HECA: variants seen among roughly 807,000 people sequenced by gnomAD.
HECA encodes HECA ribonucleoprotein granule regulator, also known as headcase protein homolog.
A neutral mutation model predicts 37.6 loss-of-function variants in HECA; 13 were observed. The ratio of observed to expected loss-of-function variants is 0.35; its 90% CI spans 0.23 to 0.55. The LOEUF (loss-of-function observed/expected upper bound fraction) is 0.55. Among genes scored for constraint, HECA ranks in the 20% least tolerant of loss-of-function variants. The pLI is 0.90. For missense variants in HECA, 527 were observed against 701.9 expected (o/e 0.75, Z 2.82); for synonymous variants, 307 against 291.5 (o/e 1.05, Z -0.54).
At chr6:139,171,088 G>A (rs1377157758) in intron 2 of HECA, among the ~76,000 whole-genome samples, 1 of 152,122 alleles carries the variant, frequency 6.6e-6, no homozygotes, top group Non-Finnish European at 1.5e-5. Flanking sequence ...CTGTGTGTTG[G>A]GTTTGAAGGG....
chr6:139,159,447 C>CT (rs1247589673), intron 1 of HECA, among the ~76,000 whole-genome samples: 1 of 152,052 alleles, frequency 6.6e-6, no homozygotes, highest in East Asian at 1.9e-4. Context: ...ACATAAATGT[C>CT]TTTTTTTCCT....
At chr6:139,154,582 A>G (rs566451465) in intron 1 of HECA, among the ~76,000 whole-genome samples, 1 of 152,360 alleles carries the variant, frequency 6.6e-6, no homozygotes, top group East Asian at 1.9e-4. Flanking sequence ...CCAGTTAATC[A>G]TGCAGTCTTA....
chr6:139,176,916 G>A lies in HECA; in HGVS notation c.1468-25G>A. ...GTGTTGGGAAGTGGAGGGGTGTTGT[G>A]GCTGATGGTGTCTGTTTCCCCCAGG... On this transcript the variant is annotated intron_variant, in intron 3 of 3. Coordinates refer to ENST00000367658, the MANE Select transcript of HECA (RefSeq NM_016217.3). The surrounding 1 kb of genome is among the most constrained non-coding windows in gnomAD (Gnocchi z 4.5). The A allele has an allele frequency of 1.2e-6, 1 of 859,458 alleles. No individual in the cohort carries two copies. Among genetic ancestry groups the A allele is most frequent in the Non-Finnish European group, 2.0e-6 (1 of 491,478 alleles). 53.2% of individuals were successfully genotyped at this position (859,458 alleles called of 1,614,324 possible). A position where few individuals can be genotyped will look rare whatever the true frequency, so the allele number is the denominator to read the frequency against.
At chr6:139,174,047 C>T (rs530714363) in intron 2 of HECA, among the ~76,000 whole-genome samples, 4 of 152,228 alleles carry the variant, frequency 2.6e-5, no homozygotes, top group African/African-American at 7.2e-5. Flanking sequence ...GGAAGTCCTG[C>T]GTGAATACAG....
chr6:139,136,629 CTTTTTTGTTTTG>C (rs1187468394), intron 1 of HECA, among the ~76,000 whole-genome samples: 1 of 148,396 alleles, frequency 6.7e-6, no homozygotes, highest in African/African-American at 2.5e-5. Context: ...AGATCAGGCA[CTTTTTTGTTTTG>C]TTTTTTTTTT....
At chr6:139,135,697 A>G in intron 1 of HECA, 30 bp downstream of exon 1, 1 of 965,252 alleles carries the variant, frequency 1.0e-6, no homozygotes, top group Non-Finnish European at 1.2e-6. Context: ...GCGAGCGCCA[A>G]CTTCCTCCCC....
intron 1 of HECA, among the ~76,000 whole-genome samples, chr6:139,156,542 A>G (rs181772608): frequency 6.6e-6 from 1 of 152,346 alleles, no homozygotes; most frequent in Admixed American, 6.5e-5. Flanking sequence ...AAGTGTGCTA[A>G]TACTGGTGCT....
chr6:139,142,184 C>T (rs1247656006), intron 1 of HECA, among the ~76,000 whole-genome samples: 2 of 152,002 alleles, frequency 1.3e-5, no homozygotes, highest in Non-Finnish European at 2.9e-5. Flanking sequence ...CCTTGACCTC[C>T]CAAAGTGCTG....
At chr6:139,162,995 T>A (rs1774828229) in intron 1 of HECA, among the ~76,000 whole-genome samples, 1 of 152,222 alleles carries the variant, frequency 6.6e-6, no homozygotes, top group Non-Finnish European at 1.5e-5. Context: ...TCTCCCTGTT[T>A]CTGCCTTTTC....
At chr6:139,135,781 TCACCCCGCCCCTC>T (rs1290226800) in intron 1 of HECA, 114 bp downstream of exon 1, 1 of 342,402 alleles carries the variant, frequency 2.9e-6, no homozygotes, top group Non-Finnish European at 4.1e-6. Flanking sequence ...CAGGAAGTGC[TCACCCCGCCCCTC>T]CGCCCCGCCG....
chr6:139,136,452 G>A (rs914772054), intron 1 of HECA, among the ~76,000 whole-genome samples: 1 of 152,108 alleles, frequency 6.6e-6, no homozygotes, highest in Non-Finnish European at 1.5e-5. Context: ...CATGGTTTTC[G>A]TTATAAGGTG....
intron 1 of HECA, among the ~76,000 whole-genome samples, chr6:139,156,514 G>GAT (rs762994418): frequency 6.6e-6 from 1 of 152,154 alleles, no homozygotes; most frequent in Non-Finnish European, 1.5e-5. Flanking sequence ...CCAGCCTGTA[G>GAT]CTTTCAAAAT....
rs1199268475 is a variant in HECA at position 139,135,588 on chromosome 6, G to GGGCGCCGGAGGCGCGGGGACT, written c.200_220dup (p.Gly67_Ala73dup). 1 of 965,922 alleles carries GGGCGCCGGAGGCGCGGGGACT rather than the reference G, an allele frequency of 1.0e-6. No homozygotes were observed. Among genetic ancestry groups the GGGCGCCGGAGGCGCGGGGACT allele is most frequent in the Admixed American group, 6.4e-5 (1 of 15,608 alleles). The allele number at this position is 965,922 out of a possible 1,614,324, so 59.8% of individuals were successfully genotyped here. ...GCGCGCCGGGCGCCGGAGGCGCGGC[G>GGGCGCCGGAGGCGCGGGGACT]GGCGCCGGAGGCGCGGGGACTGGCG... is the stretch of plus-strand genomic sequence containing the variant. On this transcript the variant is annotated inframe_insertion, in exon 1 of 4. Transcript: ENST00000367658.
At position 139,176,243 on chromosome 6, in the gene HECA, C is replaced by G. The variant is rs1172492982; in HGVS notation, c.1468-698C>G. On this transcript the variant is annotated intron_variant, in intron 3 of 3. Coordinates refer to ENST00000367658, the MANE Select transcript of HECA (RefSeq NM_016217.3). The surrounding 1 kb of genome is among the most constrained non-coding windows in gnomAD (Gnocchi z 4.5). ...TGGCATGGTGCTTTATCACATGTGC[C>G]TCAGTTGCATTATCTAAAAGTCAGC... Among the ~76,000 whole-genome samples the G allele has an allele frequency of 1.3e-5, 2 of 152,218 alleles. No homozygotes were observed. Among genetic ancestry groups the G allele is most frequent in the Non-Finnish European group, 2.9e-5 (2 of 68,040 alleles).
At chr6:139,140,830 A>G (rs577915654) in intron 1 of HECA, among the ~76,000 whole-genome samples, 1 of 152,170 alleles carries the variant, frequency 6.6e-6, no homozygotes, top group South Asian at 2.1e-4. Flanking sequence ...TCGCTCTGTC[A>G]CCCAGGCTGG....
In HECA at chr6:139,166,688, A is replaced by G; in HGVS notation, c.676A>G (p.Arg226Gly). 6.2e-7 allele frequency: 1 copy of G among 1,613,230 alleles called. No individual in the cohort carries two copies. Among genetic ancestry groups the G allele is most frequent in the Non-Finnish European group, 8.5e-7 (1 of 1,179,592 alleles). Reference sequence around the variant, plus strand: ...GGCGGCGGAGGAGGCAAAAAAGTGCAGGCCCCCAAATAAGCCCCAGAAAGG... The same window carrying G: ...GGCGGCGGAGGAGGCAAAAAAGTGCGGGCCCCCAAATAAGCCCCAGAAAGG... ...GEAAEEAKKC[R>G]PPNKPQKGPS... The change falls in exon 2 of 4, where the codon AGG (arginine) becomes GGG (glycine). Residue 226 changes from arginine (R) to glycine (G), a missense_variant. Coordinates refer to ENST00000367658, the MANE Select transcript of HECA (RefSeq NM_016217.3).
intron 1 of HECA, chr6:139,166,059 G>A: frequency 4.2e-6 from 2 of 470,848 alleles, no homozygotes; most frequent in Non-Finnish European, 7.5e-6. Context: ...TCAGGATGAA[G>A]GGCGTTGAAG....
rs796546423 is a variant in HECA at position 139,176,842 on chromosome 6, A to G, written c.1468-99A>G. 32 of 718,012 alleles carry G rather than the reference A, an allele frequency of 4.5e-5. No homozygotes were observed. In the African/African-American group the frequency reaches 5.2e-4, roughly 12 times the overall value. The allele number at this position is 718,012 out of a possible 1,614,324, so 44.5% of individuals were successfully genotyped here. A position where few individuals can be genotyped will look rare whatever the true frequency, so the allele number is the denominator to read the frequency against. The stretch of plus-strand genomic sequence containing the variant: ...TTTGGTAGTAAAAGGGATGCTTTGC[A>G]AAGCCCTTGATCAGTTTCCCAGCAT... On this transcript the variant is annotated intron_variant, in intron 3 of 3. Coordinates refer to ENST00000367658, the MANE Select transcript of HECA (RefSeq NM_016217.3). The surrounding 1 kb of genome is among the most constrained non-coding windows in gnomAD (Gnocchi z 4.5).
At chr6:139,163,789 C>T (rs1057088427) in intron 1 of HECA, among the ~76,000 whole-genome samples, 1 of 152,104 alleles carries the variant, frequency 6.6e-6, no homozygotes, top group Non-Finnish European at 1.5e-5. Flanking sequence ...TTTTCCTGGC[C>T]TCTGGTCTCT....
Sources: gnomAD v4.1 joint callset for allele counts (sites outside exome capture counted in the v4.1 genomes callset) on GRCh38, gnomAD v4.1.1 for gene constraint, Gnocchi (gnomAD v3.1) non-coding constraint, MANE v1.5 for transcripts, NCBI Gene and HGNC (gene_info 2026-07-23, HGNC 2026-07-21) for gene names.